Variants in PTPRB observed in about 807,000 individuals in gnomAD.
The protein encoded by PTPRB is protein tyrosine phosphatase receptor type B, also known as receptor-type tyrosine-protein phosphatase beta.
A neutral mutation model predicts 238.1 loss-of-function variants in PTPRB; 97 were observed. The ratio of observed to expected loss-of-function variants is 0.41; its 90% CI spans 0.35 to 0.48. The LOEUF is 0.48. Among genes scored for constraint, PTPRB ranks in the 20% least tolerant of loss-of-function variants. The probability of loss-of-function intolerance (pLI) is 0.30; values close to 1 mark genes in which losing one functional copy is unlikely to be tolerated. For missense variants in PTPRB, 2,292 were observed against 2,681.9 expected (o/e 0.85, Z 3.21); for synonymous variants, 970 against 995.4 (o/e 0.97, Z 0.48).
At chr12:70,604,758 A>G (rs1883803212) in intron 4 of PTPRB, among the ~76,000 whole-genome samples, 1 of 152,172 alleles carries the variant, frequency 6.6e-6, no homozygotes, top group Admixed American at 6.5e-5. Flanking sequence ...AGCCAATATG[A>G]CTGGTGTTCT....
rs1383431681 is a variant in PTPRB, at chr12:70,521,043, G to A, written c.*446C>T. On this transcript the variant is annotated 3_prime_UTR_variant, in exon 34 of 34. Transcript: ENST00000334414. ...CTCTCGAGATTCATGGGACAGCAATGCAGCAAATCTAGCCATAGTATTTGC... is the reference window on the plus strand; with the variant it reads ...CTCTCGAGATTCATGGGACAGCAATACAGCAAATCTAGCCATAGTATTTGC... 1 of 154,026 alleles carries A rather than the reference G, an allele frequency of 6.5e-6. No individual in the cohort carries two copies. The highest frequency in any genetic ancestry group is 1.4e-5 in the Non-Finnish European group (1 of 69,264). The allele number at this position is 154,026 out of a possible 1,614,324, so 9.5% of individuals were successfully genotyped here.
chr12:70,538,383 A>G (rs1484539555), intron 27 of PTPRB, 152 bp from the exon 28 acceptor site: 5 of 606,372 alleles, frequency 8.2e-6, no homozygotes, highest in Non-Finnish European at 8.5e-6. Flanking sequence ...CAGGATAACT[A>G]ACTTGCCCCA....
rs1273445181 is a variant in PTPRB, at chr12:70,566,610, T to C, written c.3729A>G (p.Arg1243=). 2 of 1,613,952 alleles carry C rather than the reference T, an allele frequency of 1.2e-6. No homozygotes were observed. The highest frequency in any genetic ancestry group is 3.3e-5 in the Admixed American group (2 of 60,012). Residue 1243 remains arginine, a synonymous_variant, in exon 15 of 34, where the codon AGA becomes AGG. Transcript: ENST00000334414. ...SWQKAAGVAE[R]YDILLLTENG... is the part of the protein sequence containing the mutation. ...TTTCAGTTAGAAGCAGGATATCATA[T>C]CTTTCTGCCACACCAGCAGCTTTTT...
chr12:70,580,196 C>T (rs1881229917), intron 10 of PTPRB, among the ~76,000 whole-genome samples: 1 of 152,080 alleles, frequency 6.6e-6, no homozygotes, highest in South Asian at 2.1e-4. Context: ...TATTTGTTTA[C>T]TTAGCTTTCT....
chr12:70,630,855 G>C lies in PTPRB; in HGVS notation c.451+4816C>G, dbSNP rs958496633. ...TGCTACAAAGAGAATAAAATACCTAGGAATCCAACTTACAAGGGATGTGAA... is the reference window on the plus strand; with the variant it reads ...TGCTACAAAGAGAATAAAATACCTACGAATCCAACTTACAAGGGATGTGAA... On this transcript the variant is annotated intron_variant, in intron 2 of 33. Transcript: ENST00000334414. 9.9e-5 allele frequency among the ~76,000 whole-genome samples: 15 copies of C among 152,178 alleles called. No individual in the cohort carries two copies. In the South Asian group the frequency reaches 2.3e-3, roughly 23 times the overall value.
chr12:70,611,520 G>A (rs1365094025), intron 3 of PTPRB, among the ~76,000 whole-genome samples: 2 of 151,976 alleles, frequency 1.3e-5, no homozygotes, highest in Non-Finnish European at 2.9e-5. Context: ...GGCTGGCCTT[G>A]AACTCCTGAC....
chr12:70,596,341 A>G lies in PTPRB; in HGVS notation c.980-14T>C. The G allele has an allele frequency of 1.7e-6, 2 of 1,193,894 alleles. No individual in the cohort carries two copies. The highest frequency in any genetic ancestry group is 2.1e-6 in the Non-Finnish European group (2 of 961,236). 74.0% of individuals were successfully genotyped at this position (1,193,894 alleles called of 1,614,324 possible). On this transcript the variant is annotated splice_polypyrimidine_tract_variant and intron_variant, in intron 4 of 33. Transcript: ENST00000334414. The stretch of plus-strand genomic sequence containing the variant: ...GAGGTAAAGGATCTGCAAGGCAAAT[A>G]CACACACACACACAAAAAAAAAAAA...
intron 21 of PTPRB, among the ~76,000 whole-genome samples, chr12:70,545,864 C>T (rs944578021): frequency 6.6e-6 from 1 of 152,112 alleles, no homozygotes; most frequent in South Asian, 2.1e-4. Context: ...AGGCTGGGAG[C>T]GGTGGCTCAC....
At chr12:70,625,455 A>G (rs1377014667) in intron 2 of PTPRB, among the ~76,000 whole-genome samples, 1 of 152,206 alleles carries the variant, frequency 6.6e-6, no homozygotes, top group Non-Finnish European at 1.5e-5. Context: ...ATATGAACCA[A>G]AAAGAAATTT....
At chr12:70,562,721 T>C (rs1878653072) in intron 16 of PTPRB, 123 bp downstream of exon 16, 1 of 1,260,860 alleles carries the variant, frequency 7.9e-7, no homozygotes, top group Middle Eastern at 2.0e-4. Context: ...AGCCTGAAAG[T>C]CACAAATGCC....
intron 9 of PTPRB, among the ~76,000 whole-genome samples, chr12:70,582,131 C>T (rs1565975076): frequency 6.6e-6 from 1 of 152,052 alleles, no homozygotes; most frequent in Non-Finnish European, 1.5e-5. Flanking sequence ...ATCTTATACA[C>T]AGATCTTGAA....
At chr12:70,568,359 A>G (rs1450534358) in intron 14 of PTPRB, among the ~76,000 whole-genome samples, 1 of 152,070 alleles carries the variant, frequency 6.6e-6, no homozygotes, top group Non-Finnish European at 1.5e-5. Context: ...GTGCAGTGGC[A>G]TGATCTCAGC....
At chr12:70,525,153 T>C (rs1210019125) in intron 32 of PTPRB, among the ~76,000 whole-genome samples, 1 of 152,178 alleles carries the variant, frequency 6.6e-6, no homozygotes. Flanking sequence ...AATACAATTA[T>C]CAGTACAAAG....
In PTPRB at chr12:70,520,209, G is replaced by A. The variant is rs573140268; in HGVS notation, c.*1280C>T. 3.7e-5 allele frequency: 18 copies of A among 480,340 alleles called. No homozygotes were observed. Among genetic ancestry groups the A allele is most frequent in the Non-Finnish European group, 5.9e-5 (14 of 238,776 alleles). The allele number at this position is 480,340 out of a possible 1,614,324, so 29.8% of individuals were successfully genotyped here. ...TCAAATTTTTCCCAGGAATGCTGTC[G>A]GAACTGGACCTTGATGAAGGAAATA... On this transcript the variant is annotated 3_prime_UTR_variant, in exon 34 of 34. Coordinates refer to ENST00000334414, the MANE Select transcript of PTPRB (RefSeq NM_001109754.4).
intron 10 of PTPRB, among the ~76,000 whole-genome samples, chr12:70,578,565 T>C (rs1881036894): frequency 6.6e-6 from 1 of 152,062 alleles, no homozygotes; most frequent in Admixed American, 6.5e-5. Flanking sequence ...TGTCCCTTTT[T>C]CCCTTTTTTG....
chr12:70,543,425 G>GT (rs1237337335), intron 22 of PTPRB, among the ~76,000 whole-genome samples: 1 of 152,238 alleles, frequency 6.6e-6, no homozygotes, highest in East Asian at 1.9e-4. Flanking sequence ...TTTTTGTCAT[G>GT]TAACAGTATT....
chr12:70,601,025 G>A (rs1362393306), intron 4 of PTPRB, among the ~76,000 whole-genome samples: 7 of 151,922 alleles, frequency 4.6e-5, no homozygotes, highest in Non-Finnish European at 7.4e-5. Context: ...CTGCCACCAC[G>A]CCCAGCTAAT....
intron 27 of PTPRB, 55 bp downstream of exon 27, chr12:70,538,869 A>G: frequency 1.4e-6 from 2 of 1,408,930 alleles, no homozygotes; most frequent in South Asian, 2.4e-5. Flanking sequence ...TTTTGGAGAA[A>G]AATGCAGAAA....
chr12:70,633,713 C>T (rs868234880), intron 2 of PTPRB, among the ~76,000 whole-genome samples: 1 of 152,038 alleles, frequency 6.6e-6, no homozygotes, highest in Non-Finnish European at 1.5e-5. Flanking sequence ...TTGCAAATGG[C>T]TTATTCTAGT....
Sources: gnomAD v4.1 joint callset for allele counts (sites outside exome capture counted in the v4.1 genomes callset) on GRCh38, gnomAD v4.1.1 for gene constraint, MANE v1.5 for transcripts, NCBI Gene and HGNC (gene_info 2026-07-23, HGNC 2026-07-21) for gene names.